The following RNF4 variants were observed in gnomAD, a reference collection of about 807,000 sequenced individuals.
The protein encoded by RNF4 is ring finger protein 4.
A neutral mutation model predicts 24.3 loss-of-function variants in RNF4; 7 were observed. The observed-to-expected ratio is 0.29, with a 90% confidence interval of 0.16 to 0.54. RNF4 has a LOEUF of 0.54. Among genes scored for constraint, RNF4 ranks in the 20% least tolerant of loss-of-function variants. RNF4 has a pLI of 0.95. For synonymous variants in RNF4, 83 were observed against 84.3 expected, an observed-to-expected ratio of 0.98 and a Z score of 0.09; for missense variants, 209 against 248.5, an observed-to-expected ratio of 0.84 and a Z score of 1.07.
chr4:2,511,813 G>C (rs1316135091), intron 4 of RNF4, 143 bp from the exon 5 acceptor site: 2 of 759,450 alleles, frequency 2.6e-6, no homozygotes, highest in Admixed American at 2.2e-5. Flanking sequence ...TCCTCTGTGG[G>C]TGGGAGGAGG....
At chr4:2,510,798 A>G (rs1479311977) in intron 4 of RNF4, among the ~76,000 whole-genome samples, 3 of 152,178 alleles carry the variant, frequency 2.0e-5, no homozygotes, top group Non-Finnish European at 4.4e-5. Flanking sequence ...GCCCCCCTAG[A>G]TGGGTAAGAG....
At chr4:2,499,085 T>C (rs561765270) in intron 3 of RNF4, among the ~76,000 whole-genome samples, 6 of 149,142 alleles carry the variant, frequency 4.0e-5, no homozygotes, top group African/African-American at 1.5e-4. Context: ...TAATCCCAGC[T>C]ACTTGGGAGG....
At chr4:2,500,552 T>C (rs1735878862) in intron 3 of RNF4, 107 bp from the exon 4 acceptor site, 1 of 1,071,834 alleles carries the variant, frequency 9.3e-7, no homozygotes, top group African/African-American at 2.2e-5. Flanking sequence ...CAGGATTGTT[T>C]TAGTTTGGGG....
At position 2,497,067 on chromosome 4, in the gene RNF4, A is replaced by C. The variant is rs368998654; in HGVS notation, c.70A>C (p.Thr24Pro). Residue 24 changes from threonine (T) to proline (P), a missense_variant, in exon 3 of 8, where the codon ACC becomes CCC. Physicochemically the swap from Thr to Pro is conservative, Grantham distance 38. Coordinates refer to ENST00000314289, the MANE Select transcript of RNF4 (RefSeq NM_002938.5). ...RQAQKRTREA[T>P]STPEISLEAE... ...AGCTCAGAAGCGAACTCGGGAAGCA[A>C]CCTCCACCCCCGAGATCTCCTTGGA... 1.2e-6 allele frequency: 2 copies of C among 1,609,608 alleles called. No homozygotes were observed. The highest frequency in any genetic ancestry group is 2.7e-5 in the African/African-American group (2 of 74,690).
chr4:2,490,241 A>C, intron 1 of RNF4, 96 bp from the exon 2 acceptor site: 1 of 459,410 alleles, frequency 2.2e-6, no homozygotes, highest in Non-Finnish European at 3.9e-6. Context: ...TAAGCAAATA[A>C]CCTAGGGACA....
intron 1 of RNF4, among the ~76,000 whole-genome samples, chr4:2,487,156 G>A (rs1735434887): frequency 6.6e-6 from 1 of 152,232 alleles, no homozygotes; most frequent in Admixed American, 6.5e-5. Flanking sequence ...CTCCGGGCTG[G>A]AGTGCAATGG....
intron 1 of RNF4, among the ~76,000 whole-genome samples, chr4:2,479,208 T>C (rs1008351511): frequency 6.6e-6 from 1 of 152,236 alleles, no homozygotes; most frequent in Non-Finnish European, 1.5e-5. Flanking sequence ...CCGTTGTATC[T>C]AAGAAGTAAC....
intron 1 of RNF4, among the ~76,000 whole-genome samples, chr4:2,482,189 C>G (rs776628990): frequency 1.3e-5 from 2 of 152,196 alleles, no homozygotes; most frequent in Admixed American, 1.3e-4. Context: ...GTGTGCCCTT[C>G]GAGAATTCCC....
intron 7 of RNF4, among the ~76,000 whole-genome samples, chr4:2,513,357 TC>T (rs1736323025): frequency 6.6e-6 from 1 of 152,188 alleles, no homozygotes; most frequent in Non-Finnish European, 1.5e-5. Context: ...GCCCTGAGCT[TC>T]CGGGTGCAAA....
intron 1 of RNF4, among the ~76,000 whole-genome samples, chr4:2,488,349 A>T (rs1238829069): frequency 6.6e-6 from 1 of 152,214 alleles, no homozygotes; most frequent in African/African-American, 2.4e-5. Context: ...CTGTAGTCCC[A>T]GCTACTGGGA....
At chr4:2,511,908 C>A in intron 4 of RNF4, 48 bp from the exon 5 acceptor site, 2 of 1,570,190 alleles carry the variant, frequency 1.3e-6, no homozygotes, top group South Asian at 1.2e-5. Flanking sequence ...TCACTTATAT[C>A]AAACTGATTG....
At chr4:2,486,112 C>T (rs1462196179) in intron 1 of RNF4, among the ~76,000 whole-genome samples, 5 of 152,166 alleles carry the variant, frequency 3.3e-5, no homozygotes, top group Admixed American at 2.6e-4. Flanking sequence ...AGTTCCTTAA[C>T]TTTAATCCTT....
intron 1 of RNF4, chr4:2,469,741 G>A (rs1734836572): frequency 6.6e-6 from 1 of 152,284 alleles, no homozygotes; most frequent in African/African-American, 2.4e-5. Flanking sequence ...TTGTAGGTCG[G>A]GAGGATCTGA....
At chr4:2,495,644 G>GA (rs1553878674) in intron 2 of RNF4, among the ~76,000 whole-genome samples, 3 of 148,666 alleles carry the variant, frequency 2.0e-5, no homozygotes, top group Admixed American at 6.8e-5. Flanking sequence ...TTTTTTGGGG[G>GA]GGGGTGAGAT....
intron 3 of RNF4, among the ~76,000 whole-genome samples, chr4:2,500,210 A>C (rs1735867994): frequency 6.6e-6 from 1 of 151,984 alleles, no homozygotes; most frequent in Admixed American, 6.6e-5. Flanking sequence ...TGAAGTTACT[A>C]AGCTAAGCCT....
At chr4:2,499,072 C>T (rs1010839268) in intron 3 of RNF4, among the ~76,000 whole-genome samples, 4 of 150,972 alleles carry the variant, frequency 2.6e-5, no homozygotes, top group African/African-American at 9.8e-5. Context: ...TGGCGGGCGC[C>T]TGTAATCCCA....
chr4:2,493,223 G>T (rs534722241), intron 2 of RNF4, among the ~76,000 whole-genome samples: 1 of 152,216 alleles, frequency 6.6e-6, no homozygotes, highest in African/African-American at 2.4e-5. Context: ...GGAAAGCTGT[G>T]CAAGAATTGG....
chr4:2,490,958 C>T (rs771203442), intron 2 of RNF4, among the ~76,000 whole-genome samples: 15 of 152,238 alleles, frequency 9.9e-5, no homozygotes, highest in Admixed American at 2.6e-4. Context: ...CGTGGTGGGG[C>T]GCACCTGTAG....
intron 4 of RNF4, among the ~76,000 whole-genome samples, chr4:2,510,383 G>A (rs1410522156): frequency 6.6e-6 from 1 of 152,134 alleles, no homozygotes; most frequent in African/African-American, 2.4e-5. Context: ...GTCTGGAGGC[G>A]GCATCCACCC....
Sources: gnomAD v4.1 joint callset for allele counts (sites outside exome capture counted in the v4.1 genomes callset) on GRCh38, gnomAD v4.1.1 for gene constraint, MANE v1.5 for transcripts, NCBI Gene and HGNC (gene_info 2026-07-23, HGNC 2026-07-21) for gene names.